The following RPS6KA5 variants were observed in gnomAD, a reference collection of about 807,000 sequenced individuals.
The protein encoded by RPS6KA5 is ribosomal protein S6 kinase A5.
RPS6KA5 carries 27 observed loss-of-function variants against 85.5 expected under a neutral mutation model. The ratio of observed to expected loss-of-function variants is 0.32; its 90% CI spans 0.23 to 0.44. RPS6KA5 has a LOEUF of 0.44. RPS6KA5 is among the 20% of genes least tolerant of loss of function. The probability of loss-of-function intolerance (pLI) is 1.00; values close to 1 mark genes in which losing one functional copy is unlikely to be tolerated. For synonymous variants in RPS6KA5, 334 were observed against 348.2 expected, an observed-to-expected ratio of 0.96 and a Z score of 0.46; for missense variants, 811 against 980.9, an observed-to-expected ratio of 0.83 and a Z score of 2.31.
rs2043594236 is a variant in RPS6KA5, at chr14:91,060,241, GGCCCCGCGCCCCCA to G, written c.103+77_103+90del. 1.9e-5 allele frequency: 18 copies of G among 970,340 alleles called. No individual in the cohort carries two copies. In the South Asian group the frequency reaches 6.0e-4, roughly 32 times the overall value. The allele number at this position is 970,340 out of a possible 1,614,324, so 60.1% of individuals were successfully genotyped here. On this transcript the variant is annotated intron_variant, in intron 1 of 16. Transcript: ENST00000614987. Reference sequence around the variant, plus strand: ...CCCGCCCCTCCGCGCCCACGGCTGCGGCCCCGCGCCCCCAGCCCCGCGCGGGCACCCGCGTGCCC... The same window carrying G: ...CCCGCCCCTCCGCGCCCACGGCTGCGGCCCCGCGCGGGCACCCGCGTGCCC...
intron 1 of RPS6KA5, among the ~76,000 whole-genome samples, chr14:91,058,885 A>G (rs1219065808): frequency 1.3e-5 from 2 of 152,234 alleles, no homozygotes; most frequent in African/African-American, 2.4e-5. Context: ...CTGGCACCCA[A>G]TGGAATGCTT....
At position 90,863,359 on chromosome 14, in the gene RPS6KA5, T is replaced by G. The variant is rs1482648842; in HGVS notation, c.*8715A>C. On this transcript the variant is annotated 3_prime_UTR_variant, in exon 17 of 17. Coordinates refer to ENST00000614987, the MANE Select transcript of RPS6KA5 (RefSeq NM_004755.4). ...AAGAAAAGAAAAAAATATATATATA[T>G]AGAATAGAAAAATATTGAATTCTTA... The G allele has an allele frequency of 1.5e-5, 2 of 137,164 alleles. No individual in the cohort carries two copies. The highest frequency in any genetic ancestry group is 5.4e-5 in the African/African-American group (2 of 37,180). 8.5% of individuals were successfully genotyped at this position (137,164 alleles called of 1,614,324 possible).
At chr14:90,995,035 T>C (rs530842009) in intron 2 of RPS6KA5, among the ~76,000 whole-genome samples, 1 of 152,254 alleles carries the variant, frequency 6.6e-6, no homozygotes, top group East Asian at 1.9e-4. Context: ...TACTTGCTTG[T>C]GTGTGGTTTT....
chr14:90,931,710 C>T (rs992738381), intron 5 of RPS6KA5, among the ~76,000 whole-genome samples: 5 of 151,858 alleles, frequency 3.3e-5, no homozygotes, highest in Admixed American at 2.6e-4. Context: ...TAATACTTAA[C>T]GAACTCCAAC....
chr14:91,037,499 C>T (rs931035794), intron 1 of RPS6KA5, among the ~76,000 whole-genome samples: 2 of 152,204 alleles, frequency 1.3e-5, no homozygotes, highest in African/African-American at 4.8e-5. Context: ...CAGCCTGTGT[C>T]CCCTCACCAG....
At chr14:90,925,958 A>AAAG (rs2036642486) in intron 5 of RPS6KA5, among the ~76,000 whole-genome samples, 1 of 149,558 alleles carries the variant, frequency 6.7e-6, no homozygotes, top group East Asian at 1.9e-4. Context: ...AAAAAAAAAA[A>AAAG]AAAAGAAAAG....
At chr14:90,936,885 G>A (rs2037287596) in intron 5 of RPS6KA5, among the ~76,000 whole-genome samples, 2 of 152,122 alleles carry the variant, frequency 1.3e-5, no homozygotes, top group Admixed American at 1.3e-4. Flanking sequence ...AGATTTTGGT[G>A]GAAGATTACT....
rs138284537 is a variant in RPS6KA5, at chr14:90,928,084, C to T, written c.619-4888G>A. 4.0e-3 allele frequency among the ~76,000 whole-genome samples: 607 copies of T among 151,894 alleles called. 8 individuals are homozygous for T. The highest frequency in any genetic ancestry group is 0.014 in the African/African-American group (567 of 41,434). ...CCAAGTAGCTGGGCTCTTGCTACCACGCCTGGCTAATTTTTGTACTTTTTG... is the reference window on the plus strand; with the variant it reads ...CCAAGTAGCTGGGCTCTTGCTACCATGCCTGGCTAATTTTTGTACTTTTTG... On this transcript the variant is annotated intron_variant, in intron 5 of 16. Coordinates refer to ENST00000614987, the MANE Select transcript of RPS6KA5 (RefSeq NM_004755.4).
At chr14:90,997,030 T>C (rs983235789) in intron 2 of RPS6KA5, among the ~76,000 whole-genome samples, 2 of 152,220 alleles carry the variant, frequency 1.3e-5, no homozygotes, top group Admixed American at 1.3e-4. Flanking sequence ...CAAGACACTA[T>C]GAACTCTTCA....
chr14:90,855,263 T>C lies in RPS6KA5; in HGVS notation c.*16811A>G, dbSNP rs970572128. 6.6e-6 allele frequency: 1 copy of C among 152,228 alleles called. No individual in the cohort carries two copies. The highest frequency in any genetic ancestry group is 2.4e-5 in the African/African-American group (1 of 41,448). 9.4% of individuals were successfully genotyped at this position (152,228 alleles called of 1,614,324 possible). A position where few individuals can be genotyped will look rare whatever the true frequency, so the allele number is the denominator to read the frequency against. ...ATTTTCTGCTATTTTAAAGGTATTA[T>C]GTTTGATGAAAAGACAACTGCTATA... On this transcript the variant is annotated 3_prime_UTR_variant, in exon 17 of 17. Transcript: ENST00000614987.
Position 90,899,629 on chromosome 14 carries a change from A to T in RPS6KA5, c.1380-207T>A, listed in dbSNP as rs1277155583. Among the ~76,000 whole-genome samples, 4 of 152,236 alleles carry T rather than the reference A, an allele frequency of 2.6e-5. No homozygotes were observed. The South Asian group carries it at 6.2e-4, about 24-fold the overall frequency. ...GAGAAAATTATTATTTCTGAGTCAG[A>T]AAAGTACAAATCATATGAGGAAATG... On this transcript the variant is annotated intron_variant, in intron 11 of 16. Transcript: ENST00000614987.
chr14:90,924,045 C>T (rs894288984), intron 5 of RPS6KA5, among the ~76,000 whole-genome samples: 2 of 152,082 alleles, frequency 1.3e-5, no homozygotes, highest in African/African-American at 4.8e-5. Context: ...TTTAGCTTAT[C>T]TGGTGCTTTG....
intron 7 of RPS6KA5, among the ~76,000 whole-genome samples, chr14:90,914,373 G>A (rs1312407469): frequency 7.2e-6 from 1 of 139,602 alleles, no homozygotes; most frequent in Non-Finnish European, 1.5e-5. Flanking sequence ...GGAGTGCAGT[G>A]GTGCAATCTC....
Position 90,849,791 on chromosome 14 carries a change from A to G in RPS6KA5, c.*22283T>C, listed in dbSNP as rs1029221869. Reference sequence around the variant, plus strand: ...ACTACTATTATTTCCCAAAGATGGAACAAAGGGTGACGTTACCCGTTGATG... The same window carrying G: ...ACTACTATTATTTCCCAAAGATGGAGCAAAGGGTGACGTTACCCGTTGATG... On this transcript the variant is annotated 3_prime_UTR_variant, in exon 17 of 17. Transcript: ENST00000614987. The G allele has an allele frequency of 1.3e-5, 2 of 152,220 alleles. No individual in the cohort carries two copies. The highest frequency in any genetic ancestry group is 4.8e-5 in the African/African-American group (2 of 41,452). The allele number at this position is 152,220 out of a possible 1,614,324, so 9.4% of individuals were successfully genotyped here. A position where few individuals can be genotyped will look rare whatever the true frequency, so the allele number is the denominator to read the frequency against.
At position 91,038,233 on chromosome 14, in the gene RPS6KA5, T is replaced by C. The variant is rs552804857; in HGVS notation, c.103+22099A>G. On this transcript the variant is annotated intron_variant, in intron 1 of 16. Transcript: ENST00000614987. Reference sequence around the variant, plus strand: ...TTTCATCAGGGTCCTACTCTTCCCATGTTAGGGTCAGACTTTGGCCCTGAA... The same window carrying C: ...TTTCATCAGGGTCCTACTCTTCCCACGTTAGGGTCAGACTTTGGCCCTGAA... Among the ~76,000 whole-genome samples the C allele has an allele frequency of 5.9e-5, 9 of 152,286 alleles. No individual in the cohort carries two copies. In the East Asian group the frequency reaches 1.7e-3, roughly 29 times the overall value.
At chr14:90,920,415 G>A (rs1353229254) in intron 6 of RPS6KA5, 106 bp from the exon 7 acceptor site, 3 of 763,608 alleles carry the variant, frequency 3.9e-6, no homozygotes, top group Non-Finnish European at 6.5e-6. Flanking sequence ...TTTAAAAAAT[G>A]ATTTTGTACA....
rs111454075 is a variant in RPS6KA5 at position 90,856,606 on chromosome 14, A to G, written c.*15468T>C. 14,525 of 151,966 alleles carry G rather than the reference A, an allele frequency of 0.096. 1,835 individuals are homozygous for G. The highest frequency in any genetic ancestry group is 0.3 in the African/African-American group (12,219 of 41,406). The allele number at this position is 151,966 out of a possible 1,614,324, so 9.4% of individuals were successfully genotyped here. A position where few individuals can be genotyped will look rare whatever the true frequency, so the allele number is the denominator to read the frequency against. ...TCCAACTCCTGACCTCAGGTGATCCACCCGTCTCGGCCTCCCAAAGTGCTG... is the reference window on the plus strand; with the variant it reads ...TCCAACTCCTGACCTCAGGTGATCCGCCCGTCTCGGCCTCCCAAAGTGCTG... On this transcript the variant is annotated 3_prime_UTR_variant, in exon 17 of 17. Transcript: ENST00000614987.
chr14:91,000,945 T>G (rs1201638459), intron 2 of RPS6KA5, 143 bp downstream of exon 2: 1 of 508,008 alleles, frequency 2.0e-6, no homozygotes, highest in African/African-American at 2.0e-5. Flanking sequence ...CTATGAATGG[T>G]CTGTTCATGT....
intron 1 of RPS6KA5, among the ~76,000 whole-genome samples, chr14:91,014,261 G>A (rs2041385130): frequency 6.6e-6 from 1 of 152,122 alleles, no homozygotes; most frequent in Non-Finnish European, 1.5e-5. Flanking sequence ...ACAGCACTTT[G>A]GGAGGCCAAG....
Sources: allele counts gnomAD v4.1 joint callset (sites outside exome capture counted in the v4.1 genomes callset), GRCh38; gene constraint gnomAD v4.1.1; transcripts MANE v1.5; gene names NCBI Gene and HGNC (gene_info 2026-07-23, HGNC 2026-07-21).